VEGFC: variants seen among roughly 807,000 people sequenced by gnomAD.
VEGFC encodes vascular endothelial growth factor C.
In VEGFC, 12 loss-of-function variants were observed where a neutral mutation model predicts 46.1. The ratio of observed to expected loss-of-function variants is 0.26; its 90% CI spans 0.17 to 0.42. The LOEUF (loss-of-function observed/expected upper bound fraction) is 0.42. Among genes scored for constraint, VEGFC ranks in the 10% least tolerant of loss-of-function variants. The pLI is 1.00. For missense variants in VEGFC, 488 were observed against 529.4 expected, an observed-to-expected ratio of 0.92 and a Z score of 0.77; for synonymous variants, 232 against 195.5, an observed-to-expected ratio of 1.19 and a Z score of -1.56.
rs757082926 is a variant in VEGFC at position 176,729,752 on chromosome 4, A to C, written c.148-6T>G. The C allele has an allele frequency of 1.3e-4, 197 of 1,563,704 alleles. No individual in the cohort carries two copies. The highest frequency in any genetic ancestry group is 1.6e-4 in the Non-Finnish European group (183 of 1,156,194). Reference sequence around the variant, plus strand: ...AGATCTTTGCTTGCATAAGCCTGTCAAAGAAAAATGCAAGATCAATGACTT... The same window carrying C: ...AGATCTTTGCTTGCATAAGCCTGTCCAAGAAAAATGCAAGATCAATGACTT... On this transcript the variant is annotated splice_region_variant and splice_polypyrimidine_tract_variant and intron_variant, in intron 1 of 6. Transcript: ENST00000618562.
At chr4:176,727,664 C>A in intron 3 of VEGFC, 114 bp downstream of exon 3, 1 of 1,060,614 alleles carries the variant, frequency 9.4e-7, no homozygotes, top group Non-Finnish European at 1.3e-6. Context: ...AATATGAGAC[C>A]CTGAGTTGAA....
chr4:176,700,867 CAAT>C (rs975570925), intron 4 of VEGFC, among the ~76,000 whole-genome samples: 4 of 152,000 alleles, frequency 2.6e-5, no homozygotes, highest in African/African-American at 7.2e-5. Context: ...AAAAACAAAA[CAAT>C]GATGACAATA....
At chr4:176,767,368 G>C (rs771480763) in intron 1 of VEGFC, among the ~76,000 whole-genome samples, 5 of 152,128 alleles carry the variant, frequency 3.3e-5, no homozygotes, top group African/African-American at 4.8e-5. Flanking sequence ...AAATAGGTTG[G>C]ATATTCATTC....
At position 176,683,973 on chromosome 4, in the gene VEGFC, C is replaced by G; in HGVS notation, c.1213G>C (p.Val405Leu). 1 of 1,614,224 alleles carries G rather than the reference C, an allele frequency of 6.2e-7. No homozygotes were observed. Among genetic ancestry groups the G allele is most frequent in the Non-Finnish European group, 8.5e-7 (1 of 1,180,036 alleles). Reference protein sequence around the residue: ...CEPGFSYSEEVCRCVPSYWKR... With the variant: ...CEPGFSYSEELCRCVPSYWKR... ...CAATATGAAGGGACACAACGACACA[C>G]TTCTTCACTATATGAAAATCCTGGC... The change falls in exon 7 of 7, where the codon GTG becomes CTG. Residue 405 changes from valine to leucine, a missense_variant. Val to Leu is a conservative substitution (Grantham distance 32, BLOSUM62 1). Transcript: ENST00000618562.
chr4:176,774,722 G>A (rs1248245169), intron 1 of VEGFC, among the ~76,000 whole-genome samples: 2 of 151,464 alleles, frequency 1.3e-5, no homozygotes, highest in East Asian at 3.9e-4. Context: ...ATGCTTGTTA[G>A]TGGGTGCAGC....
At chr4:176,734,519 G>A (rs113774825) in intron 1 of VEGFC, among the ~76,000 whole-genome samples, 1 of 151,602 alleles carries the variant, frequency 6.6e-6, no homozygotes, top group Non-Finnish European at 1.5e-5. Context: ...AGAAATATAC[G>A]CGAGAATTTC....
intron 3 of VEGFC, 61 bp downstream of exon 3, chr4:176,727,717 C>T (rs762008109): frequency 2.9e-5 from 44 of 1,506,796 alleles, no homozygotes; most frequent in Non-Finnish European, 3.9e-5. Flanking sequence ...CACATCATCC[C>T]CAAAGTTAAA....
chr4:176,724,242 G>C (rs1306868823), intron 3 of VEGFC, among the ~76,000 whole-genome samples: 1 of 152,274 alleles, frequency 6.6e-6, no homozygotes, highest in East Asian at 1.9e-4. Flanking sequence ...AAAGGCTAGG[G>C]GTCAGGGAAC....
intron 2 of VEGFC, among the ~76,000 whole-genome samples, chr4:176,728,477 T>G (rs1210604819): frequency 6.6e-6 from 1 of 152,176 alleles, no homozygotes; most frequent in Non-Finnish European, 1.5e-5. Context: ...TTGGCAACCT[T>G]GAGTAATGTC....
At chr4:176,697,096 A>C (rs1036597010) in intron 4 of VEGFC, among the ~76,000 whole-genome samples, 4 of 152,044 alleles carry the variant, frequency 2.6e-5, no homozygotes, top group Non-Finnish European at 5.9e-5. Context: ...CGTCTAAAAC[A>C]CCAAAAGCAA....
chr4:176,701,018 A>G (rs1423783220), intron 4 of VEGFC, among the ~76,000 whole-genome samples: 2 of 152,196 alleles, frequency 1.3e-5, no homozygotes, highest in Non-Finnish European at 2.9e-5. Context: ...TGATACTGTA[A>G]TGATTGACAC....
intron 1 of VEGFC, among the ~76,000 whole-genome samples, chr4:176,765,757 G>C (rs574125160): frequency 5.3e-4 from 80 of 152,076 alleles, no homozygotes; most frequent in African/African-American, 1.7e-3. Flanking sequence ...GTTTCACCGT[G>C]TTAGCCAGGA....
At chr4:176,785,404 G>C (rs1042447116) in intron 1 of VEGFC, among the ~76,000 whole-genome samples, 1 of 152,132 alleles carries the variant, frequency 6.6e-6, no homozygotes, top group Non-Finnish European at 1.5e-5. Context: ...TTGTGCATTT[G>C]AATATTTCCT....
At chr4:176,700,867 CAA>C (rs36052906) in intron 4 of VEGFC, among the ~76,000 whole-genome samples, 1,803 of 152,112 alleles carry the variant, frequency 0.012, 14 homozygotes, top group Non-Finnish European at 0.018. Context: ...AAAAACAAAA[CAA>C]TGATGACAAT....
At chr4:176,692,717 A>C (rs1404130229) in intron 4 of VEGFC, among the ~76,000 whole-genome samples, 65 of 149,312 alleles carry the variant, frequency 4.4e-4, no homozygotes, top group African/African-American at 1.6e-3. Flanking sequence ...CTGCAGACTT[A>C]AATGTCCCTG....
chr4:176,692,020 G>A (rs1734191157), intron 4 of VEGFC, among the ~76,000 whole-genome samples: 1 of 152,064 alleles, frequency 6.6e-6, no homozygotes, highest in African/African-American at 2.4e-5. Flanking sequence ...CCCTTTCCTA[G>A]TCAAAGAAAG....
At chr4:176,758,962 A>G (rs1260272634) in intron 1 of VEGFC, among the ~76,000 whole-genome samples, 1 of 152,128 alleles carries the variant, frequency 6.6e-6, no homozygotes, top group Non-Finnish European at 1.5e-5. Context: ...ATCCAGGGCC[A>G]GTGATAGCAG....
intron 4 of VEGFC, among the ~76,000 whole-genome samples, chr4:176,698,464 ATGAT>A (rs1391626520): frequency 2.0e-5 from 3 of 152,158 alleles, no homozygotes; most frequent in Non-Finnish European, 4.4e-5. Context: ...TTATTGAAGT[ATGAT>A]TGATAAATAT....
chr4:176,730,706 C>A (rs1734948716), intron 1 of VEGFC, among the ~76,000 whole-genome samples: 1 of 152,074 alleles, frequency 6.6e-6, no homozygotes, highest in Non-Finnish European at 1.5e-5. Context: ...TTGGGTGGAT[C>A]AAGAACCTAC....
Sources: gnomAD v4.1 joint callset for allele counts (sites outside exome capture counted in the v4.1 genomes callset) on GRCh38, gnomAD v4.1.1 for gene constraint, MANE v1.5 for transcripts, NCBI Gene and HGNC (gene_info 2026-07-23, HGNC 2026-07-21) for gene names.